AKR1C8: variants seen among roughly 807,000 people sequenced by gnomAD.
AKR1C8 encodes the protein aldo-keto reductase family 1 member C8.
chr10:5,179,178 T>A, the AKR1C8 span, among the ~76,000 whole-genome samples: 3 of 152,256 alleles, frequency 2.0e-5, no homozygotes, highest in South Asian at 6.2e-4. Context: ...GGCCTGGTGG[T>A]GACAAAAATC....
the AKR1C8 span, among the ~76,000 whole-genome samples, chr10:5,168,661 T>C: frequency 4.1e-3 from 630 of 152,250 alleles, no homozygotes; most frequent in Non-Finnish European, 6.1e-3. Context: ...CAGAGAGCTC[T>C]GCAGACAACA....
chr10:5,148,126 G>A, the AKR1C8 span, among the ~76,000 whole-genome samples: 11 of 152,236 alleles, frequency 7.2e-5, no homozygotes, highest in East Asian at 5.8e-4. Context: ...TGGCTGCTAC[G>A]TGGGGGCTTC....
the AKR1C8 span, among the ~76,000 whole-genome samples, chr10:5,148,207 T>C: frequency 1.5e-3 from 226 of 151,418 alleles, 1 homozygote; most frequent in African/African-American, 5.2e-3. Flanking sequence ...TGCTCAGTAG[T>C]ATAGGAGATA....
At chr10:5,138,346 T>G in the AKR1C8 span, among the ~76,000 whole-genome samples, 1 of 152,106 alleles carries the variant, frequency 6.6e-6, no homozygotes, top group South Asian at 2.1e-4. Context: ...AAGAATTTAG[T>G]GATATCTTCC....
the AKR1C8 span, among the ~76,000 whole-genome samples, chr10:5,176,427 C>G: frequency 8.8e-5 from 13 of 148,334 alleles, no homozygotes; most frequent in South Asian, 6.4e-4. Context: ...CTCCAGCTTT[C>G]TTCTTTTGGC....
At chr10:5,181,543 C>A in the AKR1C8 span, among the ~76,000 whole-genome samples, 4 of 152,190 alleles carry the variant, frequency 2.6e-5, no homozygotes, top group Non-Finnish European at 5.9e-5. Flanking sequence ...CTACAGAAGG[C>A]CCCTAAAACA....
the AKR1C8 span, chr10:5,161,947 T>A: frequency 3.7e-6 from 2 of 534,112 alleles, no homozygotes; most frequent in African/African-American, 3.9e-5. Context: ...GTGAACCAAT[T>A]CTGCCCGAAA....
the AKR1C8 span, among the ~76,000 whole-genome samples, chr10:5,179,474 A>C: frequency 2.6e-5 from 4 of 151,974 alleles, no homozygotes; most frequent in Non-Finnish European, 5.9e-5. Flanking sequence ...TGCTCTTCTC[A>C]AGGAGTACCT....
chr10:5,145,660 AC>A, the AKR1C8 span, among the ~76,000 whole-genome samples: 1 of 152,222 alleles, frequency 6.6e-6, no homozygotes, highest in South Asian at 2.1e-4. Flanking sequence ...ACCATCTCAC[AC>A]CAGTTAGAAT....
At chr10:5,154,990 C>A in the AKR1C8 span, 1 of 152,164 alleles carries the variant, frequency 6.6e-6, no homozygotes, top group Non-Finnish European at 1.5e-5. Flanking sequence ...GCTATTGACA[C>A]CTCAGTCACT....
the AKR1C8 span, chr10:5,155,582 G>T: frequency 2.8e-6 from 1 of 353,562 alleles, no homozygotes; most frequent in Non-Finnish European, 5.9e-6. Context: ...GCCTGAATTT[G>T]GGCCTGTCTT....
the AKR1C8 span, among the ~76,000 whole-genome samples, chr10:5,183,575 G>A: frequency 6.6e-6 from 1 of 151,938 alleles, no homozygotes; most frequent in Admixed American, 6.6e-5. Flanking sequence ...ACCAACCCCA[G>A]GAAGAACTCT....
the AKR1C8 span, among the ~76,000 whole-genome samples, chr10:5,182,486 T>C: frequency 1.2e-3 from 182 of 152,158 alleles, 1 homozygote; most frequent in African/African-American, 4.3e-3. Flanking sequence ...AAGAGAAAAA[T>C]TGACCCAACT....
chr10:5,117,151 G>A, the AKR1C8 span, among the ~76,000 whole-genome samples: 5 of 150,530 alleles, frequency 3.3e-5, no homozygotes, highest in African/African-American at 1.2e-4. Flanking sequence ...TTTTAAACAG[G>A]AAAAGGGTTA....
At chr10:5,150,747 T>TA in the AKR1C8 span, among the ~76,000 whole-genome samples, 216 of 148,352 alleles carry the variant, frequency 1.5e-3, 1 homozygote, top group South Asian at 0.012. Flanking sequence ...ATGCAAAGAT[T>TA]AAAAAAAAAA....
chr10:5,167,421 C>T, the AKR1C8 span, among the ~76,000 whole-genome samples: 37 of 152,206 alleles, frequency 2.4e-4, no homozygotes, highest in South Asian at 2.9e-3. Context: ...TAAGAAAATG[C>T]GGCACCTATA....
At chr10:5,129,587 C>T in the AKR1C8 span, among the ~76,000 whole-genome samples, 59,538 of 151,722 alleles carry the variant, frequency 0.39, 12,468 homozygotes, top group Non-Finnish European at 0.43. Flanking sequence ...AAACTGGACA[C>T]ATTACAAATG....
At chr10:5,126,919 A>G in the AKR1C8 span, among the ~76,000 whole-genome samples, 3 of 152,178 alleles carry the variant, frequency 2.0e-5, no homozygotes, top group African/African-American at 7.2e-5. Context: ...TTAAAAGGGA[A>G]AAAAGACATT....
At chr10:5,146,511 C>A in the AKR1C8 span, among the ~76,000 whole-genome samples, 1 of 152,108 alleles carries the variant, frequency 6.6e-6, no homozygotes, top group African/African-American at 2.4e-5. Flanking sequence ...AAGCTTATGT[C>A]TCGTAATATA....
Sources: allele counts gnomAD v4.1 joint callset (sites outside exome capture counted in the v4.1 genomes callset), GRCh38; gene constraint gnomAD v4.1.1; transcripts MANE v1.5; gene names NCBI Gene and HGNC (gene_info 2026-07-23, HGNC 2026-07-21).